Variants in NEK9 observed in about 807,000 individuals in gnomAD.
NEK9 encodes NIMA related kinase 9.
Under a neutral mutation model 123.4 loss-of-function variants are expected in NEK9, and 75 were observed. The ratio of observed to expected loss-of-function variants is 0.61; its 90% confidence interval spans 0.50 to 0.74. NEK9 has a LOEUF of 0.74. Among genes scored for constraint, NEK9 ranks in the 30% least tolerant of loss-of-function variants. The probability of loss-of-function intolerance (pLI) is 0.00; values close to 1 mark genes in which losing one functional copy is unlikely to be tolerated. For missense variants in NEK9, 952 were observed against 1,214.4 expected (o/e 0.78, Z 3.21); for synonymous variants, 438 against 458.7 (o/e 0.95, Z 0.58).
rs1364406469 is a variant in NEK9, at chr14:75,104,015, G to A, written c.1576-18C>T. 9.4e-6 allele frequency: 15 copies of A among 1,596,894 alleles called. No individual in the cohort carries two copies. Among genetic ancestry groups the A allele is most frequent in the Non-Finnish European group, 1.3e-5 (15 of 1,174,048 alleles). ...ACATCCACCTGCAAGAAAAAAATCA[G>A]AAAAAGAAATCCCAAATATATAATT... On this transcript the variant is annotated intron_variant, in intron 13 of 21. Coordinates refer to ENST00000238616, the MANE Select transcript of NEK9 (RefSeq NM_033116.6).
chr14:75,124,274 T>A, intron 1 of NEK9, 51 bp from the exon 2 acceptor site: 10 of 1,542,670 alleles, frequency 6.5e-6, no homozygotes, highest in Non-Finnish European at 8.9e-6. Flanking sequence ...TGGCAGCAAA[T>A]GAATCCACAC....
intron 19 of NEK9, among the ~76,000 whole-genome samples, chr14:75,090,536 C>T (rs879481525): frequency 1.3e-5 from 2 of 151,702 alleles, no homozygotes; most frequent in African/African-American, 4.8e-5. Flanking sequence ...AGTAACTTTC[C>T]ATGAAAATAA....
chr14:75,088,820 G>A (rs965714343), intron 19 of NEK9, among the ~76,000 whole-genome samples, 179 bp from the exon 20 acceptor site: 1 of 152,152 alleles, frequency 6.6e-6, no homozygotes, highest in African/African-American at 2.4e-5. Context: ...CCCTTCATCA[G>A]AGAAACAGTG....
chr14:75,121,332 C>T (rs1489691085), intron 2 of NEK9, among the ~76,000 whole-genome samples, 158 bp from the exon 3 acceptor site: 1 of 152,174 alleles, frequency 6.6e-6, no homozygotes, highest in Non-Finnish European at 1.5e-5. Flanking sequence ...CAAAACTCTT[C>T]CCATCTCTCA....
At position 75,126,805 on chromosome 14, in the gene NEK9, T is replaced by TCG. The variant is rs1480909616; in HGVS notation, c.115_116dup (p.Ala40GlufsTer47). 15 of 1,531,606 alleles carry TCG rather than the reference T, an allele frequency of 9.8e-6. No homozygotes were observed. The highest frequency in any genetic ancestry group is 1.3e-5 in the Non-Finnish European group (15 of 1,140,076). The allele number at this position is 1,531,606 out of a possible 1,614,324, so 94.9% of individuals were successfully genotyped here. On this transcript the variant is annotated frameshift_variant, in exon 1 of 22. Coordinates refer to ENST00000238616, the MANE Select transcript of NEK9 (RefSeq NM_033116.6). LOFTEE classifies it high-confidence loss of function. ...CCTGCTCCGCCGCGCCGCCGCCGGC[T>TCG]CGCGGCCCCTGACTGGCGCTAGGCC... is the stretch of plus-strand genomic sequence containing the variant.
intron 4 of NEK9, among the ~76,000 whole-genome samples, chr14:75,120,087 G>T (rs1400039047): frequency 6.6e-6 from 1 of 152,156 alleles, no homozygotes; most frequent in African/African-American, 2.4e-5. Context: ...TGTTTTTAAA[G>T]ATCTGGTAAA....
chr14:75,079,810 T>G lies in NEK9; in HGVS notation c.*4754A>C, dbSNP rs1893815666. ...AGTCTCACTTGGCCTGCTTCACTTC[T>G]TTACCTTATCTGCCTGGTACCACAG... On this transcript the variant is annotated 3_prime_UTR_variant, in exon 22 of 22. Transcript: ENST00000238616. The G allele has an allele frequency of 6.6e-6, 1 of 152,182 alleles. No homozygotes were observed. Among genetic ancestry groups the G allele is most frequent in the South Asian group, 2.1e-4 (1 of 4,822 alleles). 9.4% of individuals were successfully genotyped at this position (152,182 alleles called of 1,614,324 possible).
intron 8 of NEK9, among the ~76,000 whole-genome samples, chr14:75,110,904 A>G (rs533515332): frequency 6.6e-6 from 1 of 152,194 alleles, no homozygotes; most frequent in African/African-American, 2.4e-5. Flanking sequence ...CCTATATAGT[A>G]CTTTTTGTAC....
At chr14:75,089,267 C>T (rs1894130650) in intron 19 of NEK9, among the ~76,000 whole-genome samples, 3 of 152,012 alleles carry the variant, frequency 2.0e-5, no homozygotes, top group Non-Finnish European at 1.5e-5. Flanking sequence ...CTCACTCTGT[C>T]ACCAGGCTGA....
Position 75,110,305 on chromosome 14 carries a change from G to A in NEK9, c.989+16C>T. 2.5e-6 allele frequency: 4 copies of A among 1,598,810 alleles called. No homozygotes were observed. Among genetic ancestry groups the A allele is most frequent in the African/African-American group, 1.3e-5 (1 of 74,588 alleles). On this transcript the variant is annotated intron_variant, in intron 9 of 21. Transcript: ENST00000238616. Reference sequence around the variant, plus strand: ...ATTTCGGATATATTAGTTTTTAAGAGTCTCTTGAACATTACCTTGGTCTCT... The same window carrying A: ...ATTTCGGATATATTAGTTTTTAAGAATCTCTTGAACATTACCTTGGTCTCT...
At chr14:75,113,465 ATG>A in intron 7 of NEK9, 62 bp from the exon 8 acceptor site, 1 of 1,203,120 alleles carries the variant, frequency 8.3e-7, no homozygotes, top group South Asian at 1.3e-5. Context: ...GGATCTAAAG[ATG>A]TTAATTAGTC....
chr14:75,087,093 CTGT>C lies in NEK9; in HGVS notation c.2739_2741del (p.Gln914del), dbSNP rs1341230191. 3 of 1,614,194 alleles carry C rather than the reference CTGT, an allele frequency of 1.9e-6. No homozygotes were observed. The highest frequency in any genetic ancestry group is 1.7e-6 in the Non-Finnish European group (2 of 1,180,038). ...TCTGGAGGTTTTCTTGCTGTAGCTT[CTGT>C]TGTTCAGCCAGACACTTTAACACCA... On this transcript the variant is annotated inframe_deletion, in exon 21 of 22. Transcript: ENST00000238616.
Position 75,104,001 on chromosome 14 carries a change from C to A in NEK9, c.1576-4G>T. ...TCAAGGCCTTGGGAACATCCACCTG[C>A]AAGAAAAAAATCAGAAAAAGAAATC... On this transcript the variant is annotated splice_polypyrimidine_tract_variant and splice_region_variant and intron_variant, in intron 13 of 21. Coordinates refer to ENST00000238616, the MANE Select transcript of NEK9 (RefSeq NM_033116.6). 1 of 1,595,150 alleles carries A rather than the reference C, an allele frequency of 6.3e-7. No individual in the cohort carries two copies. The highest frequency in any genetic ancestry group is 8.5e-7 in the Non-Finnish European group (1 of 1,174,520).
intron 18 of NEK9, among the ~76,000 whole-genome samples, chr14:75,092,828 T>TG (rs1247376083): frequency 4.6e-5 from 7 of 152,108 alleles, no homozygotes. Flanking sequence ...CAGGGATCCT[T>TG]GTTCTGATGC....
intron 21 of NEK9, 69 bp downstream of exon 21, chr14:75,086,949 C>T: frequency 6.9e-7 from 1 of 1,458,878 alleles, no homozygotes; most frequent in Non-Finnish European, 9.6e-7. Flanking sequence ...TATTTCAGTA[C>T]TTTGTGTTTT....
At chr14:75,121,904 G>A (rs1271246820) in intron 2 of NEK9, among the ~76,000 whole-genome samples, 2 of 152,164 alleles carry the variant, frequency 1.3e-5, no homozygotes, top group African/African-American at 4.8e-5. Context: ...CACCTGTGAT[G>A]CAATGTTTTG....
rs1432939270 is a variant in NEK9 at position 75,091,534 on chromosome 14, A to G, written c.2234-56T>C. Reference sequence around the variant, plus strand: ...CTTTGCTATGCAGCAAGACAGATTTACCATTTGACAACCCTACTTACCCTG... The same window carrying G: ...CTTTGCTATGCAGCAAGACAGATTTGCCATTTGACAACCCTACTTACCCTG... On this transcript the variant is annotated intron_variant, in intron 18 of 21. Transcript: ENST00000238616. The G allele has an allele frequency of 1.0e-5, 14 of 1,397,728 alleles. No homozygotes were observed. The African/African-American group carries it at 1.6e-4, about 16-fold the overall frequency. The allele number at this position is 1,397,728 out of a possible 1,614,324, so 86.6% of individuals were successfully genotyped here.
At position 75,118,955 on chromosome 14, in the gene NEK9, C is replaced by A. The variant is rs777472691; in HGVS notation, c.525-20G>T. ...ATATCTCTGAAAAAAAAAGATGCTG[C>A]AAATTAAGTTCACACAGATAATTGT... is the stretch of plus-strand genomic sequence containing the variant. On this transcript the variant is annotated intron_variant, in intron 4 of 21. Coordinates refer to ENST00000238616, the MANE Select transcript of NEK9 (RefSeq NM_033116.6). The A allele has an allele frequency of 7.2e-6, 9 of 1,248,208 alleles. No individual in the cohort carries two copies. Among genetic ancestry groups the A allele is most frequent in the Non-Finnish European group, 1.1e-5 (9 of 852,670 alleles). 77.3% of individuals were successfully genotyped at this position (1,248,208 alleles called of 1,614,324 possible).
intron 1 of NEK9, among the ~76,000 whole-genome samples, chr14:75,125,096 C>G (rs1480859344): frequency 6.6e-6 from 1 of 152,014 alleles, no homozygotes; most frequent in East Asian, 1.9e-4. Context: ...GACCCTGCTT[C>G]CTAGCCCAGG....
Sources: gnomAD v4.1 joint callset for allele counts (sites outside exome capture counted in the v4.1 genomes callset) on GRCh38, gnomAD v4.1.1 for gene constraint, MANE v1.5 for transcripts, NCBI Gene and HGNC (gene_info 2026-07-23, HGNC 2026-07-21) for gene names.